ABCC8: variants seen among roughly 807,000 people sequenced by gnomAD.
ABCC8 encodes ATP-binding cassette sub-family C member 8.
In ABCC8, 137 loss-of-function variants were observed where a neutral mutation model predicts 188.0. The observed-to-expected ratio is 0.73, with a 90% confidence interval of 0.63 to 0.84. The LOEUF is 0.84. Ranked by LOEUF, ABCC8 falls within the 40% of genes least tolerant of loss-of-function variation. The pLI is 0.00. For missense variants in ABCC8, 1,750 were observed against 2,072.7 expected (o/e 0.84, Z 3.02); for synonymous variants, 797 against 846.5 (o/e 0.94, Z 1.01).
rs372688167 is a variant in ABCC8, at chr11:17,432,115, T to G, written c.1671+89A>C. On this transcript the variant is annotated intron_variant, in intron 11 of 38. Transcript: ENST00000389817. The stretch of plus-strand genomic sequence containing the variant: ...TGGAGCCTGTCTTCTGAGGCCCCTG[T>G]GCAGAAAGGCCAAATCTGGGCAGCC... 3.8e-4 allele frequency: 569 copies of G among 1,502,824 alleles called. 3 individuals carry two copies. In the African/African-American group the frequency reaches 7.0e-3, roughly 18 times the overall value. 93.1% of individuals were successfully genotyped at this position (1,502,824 alleles called of 1,614,324 possible).
chr11:17,434,804 A>G (rs1956004849), intron 10 of ABCC8, among the ~76,000 whole-genome samples: 1 of 152,220 alleles, frequency 6.6e-6, no homozygotes, highest in Admixed American at 6.5e-5. Context: ...AACATGGAGT[A>G]TGCTTCTGAT....
At chr11:17,442,588 G>T in intron 10 of ABCC8, 132 bp downstream of exon 10, 2 of 887,712 alleles carry the variant, frequency 2.3e-6, no homozygotes, top group Non-Finnish European at 1.9e-6. Context: ...CCAGTTTGAG[G>T]CTCCCCTACT....
At chr11:17,399,755 A>G (rs749632398) in intron 29 of ABCC8, among the ~76,000 whole-genome samples, 1 of 152,194 alleles carries the variant, frequency 6.6e-6, no homozygotes, top group Non-Finnish European at 1.5e-5. Context: ...GGCACTATCA[A>G]TAAATATTTG....
At chr11:17,463,995 A>G (rs548717776) in intron 3 of ABCC8, among the ~76,000 whole-genome samples, 3 of 152,184 alleles carry the variant, frequency 2.0e-5, no homozygotes, top group Admixed American at 6.5e-5. Flanking sequence ...CACTGCCGTC[A>G]CCCCCAATTT....
intron 10 of ABCC8, among the ~76,000 whole-genome samples, chr11:17,434,350 G>C (rs1955984201): frequency 6.6e-6 from 1 of 152,212 alleles, no homozygotes; most frequent in Non-Finnish European, 1.5e-5. Context: ...AAAGCAATCT[G>C]GTGCTTTGTA....
At chr11:17,449,014 C>T (rs909122158) in intron 7 of ABCC8, among the ~76,000 whole-genome samples, 1 of 152,196 alleles carries the variant, frequency 6.6e-6, no homozygotes, top group Non-Finnish European at 1.5e-5. Context: ...GCAGCCTCCA[C>T]CTTCCGGGTT....
At chr11:17,443,433 C>A in intron 8 of ABCC8, 121 bp from the exon 9 acceptor site, 1 of 1,555,198 alleles carries the variant, frequency 6.4e-7, no homozygotes, top group South Asian at 1.1e-5. Context: ...CCCAGGTTTC[C>A]AAATTATCTT....
At position 17,448,511 on chromosome 11, in the gene ABCC8, A is replaced by G. The variant is rs1564955552; in HGVS notation, c.1332+5T>C. Reference sequence around the variant, plus strand: ...CCCCTCCCTTCCCCTCAGCCCATCTAGTACCTGTACTGGCATAGCCCAGAG... The same window carrying G: ...CCCCTCCCTTCCCCTCAGCCCATCTGGTACCTGTACTGGCATAGCCCAGAG... On this transcript the variant is annotated splice_donor_5th_base_variant and intron_variant, in intron 8 of 38. Transcript: ENST00000389817. The G allele has an allele frequency of 6.2e-7, 1 of 1,613,676 alleles. No homozygotes were observed. Among genetic ancestry groups the G allele is most frequent in the Non-Finnish European group, 8.5e-7 (1 of 1,179,634 alleles).
In ABCC8 at chr11:17,402,789, C is replaced by T. The variant is rs111902936; in HGVS notation, c.3558-36G>A. The T allele has an allele frequency of 2.2e-5, 35 of 1,613,318 alleles. 1 individual carries two copies. Among genetic ancestry groups the T allele is most frequent in the Admixed American group, 1.2e-4 (7 of 60,030 alleles). On this transcript the variant is annotated intron_variant, in intron 28 of 38. Transcript: ENST00000389817. ...GAACAGAGTGGAACAGTTAAGAGGG[C>T]AGGCTCAGGGCTCGGCCTGGGCCTG...
In ABCC8 at chr11:17,392,925, G is replaced by T; in HGVS notation, c.*66C>A. Reference sequence around the variant, plus strand: ...TCTATTTATTTACAAGTGATTTACAGTTAGAAAACCCAGGCAGGGGTATGG... The same window carrying T: ...TCTATTTATTTACAAGTGATTTACATTTAGAAAACCCAGGCAGGGGTATGG... On this transcript the variant is annotated 3_prime_UTR_variant, in exon 39 of 39. Transcript: ENST00000389817. The T allele has an allele frequency of 6.5e-7, 1 of 1,542,528 alleles. No homozygotes were observed. The highest frequency in any genetic ancestry group is 8.9e-7 in the Non-Finnish European group (1 of 1,117,360).
intron 10 of ABCC8, among the ~76,000 whole-genome samples, chr11:17,438,391 T>A (rs1178891780): frequency 6.9e-6 from 1 of 145,084 alleles, no homozygotes; most frequent in Non-Finnish European, 1.5e-5. Flanking sequence ...TGGTCACTAT[T>A]CATGGGCATG....
At chr11:17,448,378 G>A in intron 8 of ABCC8, 138 bp downstream of exon 8, 1 of 775,974 alleles carries the variant, frequency 1.3e-6, no homozygotes, top group Admixed American at 2.0e-5. Context: ...GGTACAGCCT[G>A]TGGTATAGCC....
chr11:17,401,130 A>T (rs1288003467), intron 29 of ABCC8, among the ~76,000 whole-genome samples: 1 of 152,206 alleles, frequency 6.6e-6, no homozygotes, highest in South Asian at 2.1e-4. Context: ...AAGAGTCACC[A>T]TCTCTCTACC....
intron 16 of ABCC8, among the ~76,000 whole-genome samples, chr11:17,424,667 T>C (rs1955504285): frequency 6.6e-6 from 1 of 152,162 alleles, no homozygotes; most frequent in African/African-American, 2.4e-5. Flanking sequence ...GCAGCTCCAG[T>C]GTCTGAGCCC....
At chr11:17,468,690 T>C (rs1848303286) in intron 3 of ABCC8, among the ~76,000 whole-genome samples, 1 of 152,214 alleles carries the variant, frequency 6.6e-6, no homozygotes, top group Non-Finnish European at 1.5e-5. Context: ...GGGCCTGGCA[T>C]ACAGTAAGTA....
intron 10 of ABCC8, among the ~76,000 whole-genome samples, chr11:17,441,914 T>C (rs971331496): frequency 6.6e-6 from 1 of 152,140 alleles, no homozygotes; most frequent in Non-Finnish European, 1.5e-5. Context: ...ACTCTGTCTC[T>C]ACTAAAAATA....
chr11:17,432,359 G>A (rs751996097), intron 10 of ABCC8, 115 bp from the exon 11 acceptor site: 3 of 1,541,192 alleles, frequency 1.9e-6, no homozygotes, highest in Non-Finnish European at 1.8e-6. Context: ...GTGGGGCACA[G>A]CTCCAGTAGG....
chr11:17,475,899 G>T (rs1389441052), intron 1 of ABCC8, among the ~76,000 whole-genome samples: 4 of 152,204 alleles, frequency 2.6e-5, no homozygotes, highest in African/African-American at 4.8e-5. Flanking sequence ...AGATGGGGGG[G>T]ACCTCAGTGG....
chr11:17,431,838 G>C (rs769882643), intron 11 of ABCC8, among the ~76,000 whole-genome samples: 6 of 152,212 alleles, frequency 3.9e-5, no homozygotes, highest in Non-Finnish European at 8.8e-5. Context: ...CATTAAAAAT[G>C]TTACCAGTGG....
Sources: allele counts gnomAD v4.1 joint callset (sites outside exome capture counted in the v4.1 genomes callset), GRCh38; gene constraint gnomAD v4.1.1; transcripts MANE v1.5; gene names NCBI Gene and HGNC (gene_info 2026-07-23, HGNC 2026-07-21).